GSTA2: variants seen among roughly 807,000 people sequenced by gnomAD.
The protein encoded by GSTA2 is glutathione S-transferase alpha 2.
In GSTA2, 27 loss-of-function variants were observed where a neutral mutation model predicts 22.4. The ratio of observed to expected loss-of-function variants is 1.21; its 90% CI spans 0.89 to 1.67. The LOEUF is 1.67. Among genes scored for constraint, GSTA2 ranks in the 40% most tolerant of loss-of-function variants. GSTA2 has a pLI of 0.00. For missense variants in GSTA2, 302 were observed against 260.2 expected (o/e 1.16, Z -1.11); for synonymous variants, 121 against 86.8 (o/e 1.39, Z -2.19).
rs371117739 is a variant in GSTA2 at position 52,752,840 on chromosome 6, A to G, written c.414+14T>C. 79 of 1,613,364 alleles carry G rather than the reference A, an allele frequency of 4.9e-5. No homozygotes were observed. Among genetic ancestry groups the G allele is most frequent in the Non-Finnish European group, 6.5e-5 (77 of 1,179,548 alleles). ...TAAACTCAGTTCCCCAAAACACTGA[A>G]CAGCTTCACTTACTTTTTCAAAGGC... On this transcript the variant is annotated intron_variant, in intron 5 of 6. Transcript: ENST00000493422.
chr6:52,755,196 AAG>A, intron 3 of GSTA2, 121 bp from the exon 4 acceptor site: 1 of 1,355,888 alleles, frequency 7.4e-7, no homozygotes, highest in Non-Finnish European at 1.0e-6. Context: ...ACTGCCTGGT[AAG>A]AGTTCACTTG....
chr6:52,759,147 G>A (rs1334898483), intron 1 of GSTA2, among the ~76,000 whole-genome samples: 5 of 152,312 alleles, frequency 3.3e-5, no homozygotes, highest in African/African-American at 1.2e-4. Flanking sequence ...ATGTTGAAAG[G>A]TAAGTAATGT....
chr6:52,760,040 T>G (rs1283022297), intron 1 of GSTA2, among the ~76,000 whole-genome samples: 16 of 152,340 alleles, frequency 1.1e-4, no homozygotes, highest in African/African-American at 3.4e-4. Context: ...GTTTTGTAAT[T>G]AGATATTTTG....
intron 1 of GSTA2, among the ~76,000 whole-genome samples, chr6:52,759,809 T>C (rs28647299): frequency 0.018 from 2,721 of 151,990 alleles, 88 homozygotes; most frequent in African/African-American, 0.061. Context: ...GTCTCGAAAG[T>C]CTGACCCCAG....
rs1350552422 is a variant in GSTA2, at chr6:52,750,706, T to G, written c.547-7A>C. 2 of 1,612,084 alleles carry G rather than the reference T, an allele frequency of 1.2e-6. No homozygotes were observed. Among genetic ancestry groups the G allele is most frequent in the African/African-American group, 2.7e-5 (2 of 74,836 alleles). On this transcript the variant is annotated splice_region_variant and splice_polypyrimidine_tract_variant and intron_variant, in intron 6 of 6. Coordinates refer to ENST00000493422, the MANE Select transcript of GSTA2 (RefSeq NM_000846.5). ...TGATTCTGGTTTTCAGGGCCTGTAA[T>G]CCACAAAGCACAGCCTCACTAAAAC...
intron 1 of GSTA2, among the ~76,000 whole-genome samples, chr6:52,760,587 C>T (rs1221261524): frequency 3.9e-5 from 6 of 152,170 alleles, no homozygotes; most frequent in Admixed American, 6.5e-5. Context: ...ATGCTGCACA[C>T]GTGGTGAGTG....
At chr6:52,756,793 G>C (rs191411548) in intron 2 of GSTA2, among the ~76,000 whole-genome samples, 8 of 152,378 alleles carry the variant, frequency 5.3e-5, no homozygotes, top group Non-Finnish European at 7.3e-5. Flanking sequence ...TGCTAAGGGT[G>C]ACATAGGTCG....
At chr6:52,753,107 A>G in intron 4 of GSTA2, 112 bp from the exon 5 acceptor site, 3 of 981,000 alleles carry the variant, frequency 3.1e-6, no homozygotes, top group Non-Finnish European at 3.0e-6. Context: ...TTCACCTCCA[A>G]TGAGTGCCTT....
chr6:52,761,724 T>C (rs1045140233), intron 1 of GSTA2, among the ~76,000 whole-genome samples: 7 of 150,586 alleles, frequency 4.6e-5, no homozygotes, highest in African/African-American at 1.2e-4. Flanking sequence ...GGGGATTTTG[T>C]TCCTCTGCTC....
At chr6:52,756,345 T>C (rs536882343) in intron 2 of GSTA2, 36 bp from the exon 3 acceptor site, 6 of 1,497,866 alleles carry the variant, frequency 4.0e-6, no homozygotes, top group Admixed American at 3.4e-5. Flanking sequence ...TCTTGTTAGT[T>C]CATTCTATTA....
At chr6:52,753,439 A>G (rs1434492048) in intron 4 of GSTA2, among the ~76,000 whole-genome samples, 1 of 152,182 alleles carries the variant, frequency 6.6e-6, no homozygotes, top group African/African-American at 2.4e-5. Context: ...AGTCCCTGGC[A>G]CAGCCATCTC....
chr6:52,752,008 G>T (rs551061826), intron 5 of GSTA2, among the ~76,000 whole-genome samples: 1 of 152,158 alleles, frequency 6.6e-6, no homozygotes, highest in East Asian at 1.9e-4. Flanking sequence ...ACCTGCCGCC[G>T]CATGTTCTGT....
Position 52,756,286 on chromosome 6 carries a change from A to C in GSTA2, c.111T>G (p.Ser37=). 1 of 1,604,332 alleles carries C rather than the reference A, an allele frequency of 6.2e-7. No homozygotes were observed. The highest frequency in any genetic ancestry group is 2.2e-5 in the East Asian group (1 of 44,822). The part of the protein sequence containing the change: ...GVEFEEKFIK[S]AEDLDKLRND... The stretch of plus-strand genomic sequence containing the variant: ...TTCTTAACTTGTCCAAATCTTCTGC[A>C]GATTTTATAAATTTCTCTTCAAACT... The change falls in exon 3 of 7, where the codon TCT becomes TCG. Residue 37 remains serine (S), a synonymous_variant. Transcript: ENST00000493422.
At chr6:52,752,204 C>G (rs575517095) in intron 5 of GSTA2, among the ~76,000 whole-genome samples, 8 of 152,322 alleles carry the variant, frequency 5.3e-5, no homozygotes, top group African/African-American at 1.9e-4. Flanking sequence ...CTCTATCTCC[C>G]TGAGATCTGT....
intron 1 of GSTA2, among the ~76,000 whole-genome samples, chr6:52,759,565 T>C (rs1477974605): frequency 1.6e-4 from 5 of 31,900 alleles, no homozygotes; most frequent in Non-Finnish European, 3.0e-4. Context: ...ATTTATTTGT[T>C]TTTTTTTTTT....
At chr6:52,753,104 C>G in intron 4 of GSTA2, 109 bp from the exon 5 acceptor site, 1 of 973,566 alleles carries the variant, frequency 1.0e-6, no homozygotes, top group Non-Finnish European at 1.5e-6. Context: ...TAATTCACCT[C>G]CAATGAGTGC....
rs72506323 is a variant in GSTA2, at chr6:52,761,029, T to C, written c.-31+2415A>G. On this transcript the variant is annotated intron_variant, in intron 1 of 6. Coordinates refer to ENST00000493422, the MANE Select transcript of GSTA2 (RefSeq NM_000846.5). ...GTTTCTTATCAGAGAGAAGGGAGAA[T>C]GAGATAAACCATGACTCCTTCCATT... Among the ~76,000 whole-genome samples, 4 of 152,312 alleles carry C rather than the reference T, an allele frequency of 2.6e-5. No individual in the cohort carries two copies. In the East Asian group the frequency reaches 7.7e-4, roughly 29 times the overall value.
At chr6:52,762,984 A>G (rs909725993) in intron 1 of GSTA2, among the ~76,000 whole-genome samples, 19 of 152,340 alleles carry the variant, frequency 1.2e-4, no homozygotes, top group Middle Eastern at 6.8e-3. Context: ...ACTAGAATCT[A>G]GTCCTCCTAA....
intron 1 of GSTA2, among the ~76,000 whole-genome samples, chr6:52,759,678 A>G (rs963040206): frequency 7.7e-6 from 1 of 130,574 alleles, no homozygotes; most frequent in African/African-American, 2.9e-5. Flanking sequence ...TCAGCTTCCC[A>G]GGTTCAAGTG....
Sources: allele counts gnomAD v4.1 joint callset (sites outside exome capture counted in the v4.1 genomes callset), GRCh38; gene constraint gnomAD v4.1.1; transcripts MANE v1.5; gene names NCBI Gene and HGNC (gene_info 2026-07-23, HGNC 2026-07-21).